Variants in EYA2 observed in about 807,000 individuals in gnomAD.
EYA2 encodes the protein EYA transcriptional coactivator and phosphatase 2.
In EYA2, 31 loss-of-function variants were observed where a neutral mutation model predicts 69.2. That is an observed-to-expected ratio of 0.45 (90% confidence interval 0.34 to 0.60). The LOEUF (loss-of-function observed/expected upper bound fraction) is 0.60. Ranked by LOEUF, EYA2 falls within the 20% of genes least tolerant of loss-of-function variation. The pLI, the probability that EYA2 is intolerant of heterozygous loss-of-function variation, is 0.02. For missense variants in EYA2, 622 were observed against 701.2 expected, an observed-to-expected ratio of 0.89 and a Z score of 1.28; for synonymous variants, 257 against 279.4, an observed-to-expected ratio of 0.92 and a Z score of 0.80.
At chr20:47,022,118 A>C (rs1307306461) in intron 5 of EYA2, among the ~76,000 whole-genome samples, 1 of 152,170 alleles carries the variant, frequency 6.6e-6, no homozygotes, top group African/African-American at 2.4e-5. Flanking sequence ...TGTGCCTTGT[A>C]CTTCTCCAGG....
At chr20:47,171,436 A>C (rs1270376342) in intron 11 of EYA2, among the ~76,000 whole-genome samples, 1 of 152,110 alleles carries the variant, frequency 6.6e-6, no homozygotes, top group Non-Finnish European at 1.5e-5. Context: ...AGCAGTAAGA[A>C]CCAACCTTCA....
chr20:46,905,860 G>A (rs1157902567), intron 1 of EYA2, among the ~76,000 whole-genome samples: 2 of 152,204 alleles, frequency 1.3e-5, no homozygotes, highest in Non-Finnish European at 2.9e-5. Context: ...GGGTACTGTG[G>A]AATTGGACCC....
chr20:47,003,820 GA>G (rs1982525870), intron 3 of EYA2, among the ~76,000 whole-genome samples: 1 of 152,174 alleles, frequency 6.6e-6, no homozygotes. Context: ...ATGGGCTCTG[GA>G]GTCAGACTCC....
chr20:47,129,777 A>G (rs555342069), intron 9 of EYA2, among the ~76,000 whole-genome samples: 14 of 152,312 alleles, frequency 9.2e-5, no homozygotes, highest in Middle Eastern at 6.8e-3. Flanking sequence ...GTGCCTTGGA[A>G]ATAAGATAAA....
intron 5 of EYA2, among the ~76,000 whole-genome samples, chr20:47,031,971 T>A (rs1042556677): frequency 6.6e-6 from 1 of 152,128 alleles, no homozygotes; most frequent in African/African-American, 2.4e-5. Flanking sequence ...AGCAGCCTGC[T>A]CCCAGCCCAG....
chr20:46,912,127 G>A (rs756472314), intron 1 of EYA2, among the ~76,000 whole-genome samples: 5 of 152,152 alleles, frequency 3.3e-5, no homozygotes, highest in Non-Finnish European at 5.9e-5. Context: ...TGGGCTTGTT[G>A]GAGAGTGAGC....
At chr20:47,109,902 C>T (rs2032700795) in intron 9 of EYA2, among the ~76,000 whole-genome samples, 1 of 152,110 alleles carries the variant, frequency 6.6e-6, no homozygotes, top group Admixed American at 6.6e-5. Flanking sequence ...ATGATTGGGC[C>T]CTCCGGGTCC....
intron 9 of EYA2, among the ~76,000 whole-genome samples, chr20:47,115,994 G>T (rs1344891157): frequency 2.0e-5 from 3 of 152,044 alleles, no homozygotes; most frequent in African/African-American, 7.2e-5. Context: ...CCCTCCCTTA[G>T]TCTAACCAGT....
intron 5 of EYA2, among the ~76,000 whole-genome samples, chr20:47,042,763 G>A (rs375793195): frequency 1.3e-5 from 2 of 152,116 alleles, no homozygotes; most frequent in South Asian, 4.1e-4. Context: ...ATCACCTCAT[G>A]GTCACAAGAC....
chr20:47,016,136 A>T, intron 4 of EYA2, 45 bp from the exon 5 acceptor site: 1 of 1,371,940 alleles, frequency 7.3e-7, no homozygotes, highest in Non-Finnish European at 1.0e-6. Context: ...GACGCATCCT[A>T]ATCATGTGTC....
chr20:47,018,298 C>A (rs1983530756), intron 5 of EYA2, among the ~76,000 whole-genome samples: 1 of 142,430 alleles, frequency 7.0e-6, no homozygotes, highest in Non-Finnish European at 1.6e-5. Flanking sequence ...GAGAGGCCCC[C>A]ATTCATTCAT....
intron 4 of EYA2, among the ~76,000 whole-genome samples, chr20:47,010,944 C>T (rs1038769930): frequency 6.6e-6 from 1 of 151,960 alleles, no homozygotes; most frequent in African/African-American, 2.4e-5. Context: ...TGCACCACCA[C>T]ACCCAGCTAA....
At chr20:47,099,001 G>A (rs1275317281) in intron 9 of EYA2, among the ~76,000 whole-genome samples, 1 of 152,226 alleles carries the variant, frequency 6.6e-6, no homozygotes, top group African/African-American at 2.4e-5. Flanking sequence ...AAGAGTGAGT[G>A]CGAGTAATCT....
rs779945744 is a variant in EYA2 at position 47,182,628 on chromosome 20, T to TCAAAAAA, written c.1436-663_1436-662insCAAAAAA. ...TGGGCAACAAGAACGAGACTCCGTC[T>TCAAAAAA]AAAAAAAAAAAAAAAAGGTTAAGAT... On this transcript the variant is annotated intron_variant, in intron 14 of 15. Coordinates refer to ENST00000327619, the MANE Select transcript of EYA2 (RefSeq NM_005244.5). Among the ~76,000 whole-genome samples, 77 of 84,326 alleles carry TCAAAAAA rather than the reference T, an allele frequency of 9.1e-4. 12 individuals are homozygous for TCAAAAAA. Among genetic ancestry groups the TCAAAAAA allele is most frequent in the African/African-American group, 2.0e-3 (31 of 15,298 alleles). 55.3% of individuals were successfully genotyped at this position (84,326 alleles called of 152,430 possible).
intron 9 of EYA2, among the ~76,000 whole-genome samples, chr20:47,126,561 G>A (rs935073893): frequency 1.2e-4 from 18 of 152,186 alleles, no homozygotes; most frequent in African/African-American, 3.9e-4. Context: ...CTCAGCTGGC[G>A]GGGAGAGACT....
intron 5 of EYA2, among the ~76,000 whole-genome samples, chr20:47,047,185 C>T (rs974403001): frequency 1.3e-5 from 2 of 151,984 alleles, no homozygotes; most frequent in Non-Finnish European, 2.9e-5. Flanking sequence ...CCTCTGCATC[C>T]CTCAGTGAGT....
chr20:47,073,317 T>C lies in EYA2; in HGVS notation c.484-841T>C, dbSNP rs865974730. Among the ~76,000 whole-genome samples the C allele has an allele frequency of 1.3e-4, 20 of 152,168 alleles. 1 individual carries two copies. The highest frequency in any genetic ancestry group is 3.9e-4 in the Admixed American group (6 of 15,292). ...TTAAACAAAGCTTGATCAAAGGTGA[T>C]TGGCAGCTATTGAATTGATCTCCAT... On this transcript the variant is annotated intron_variant, in intron 6 of 15. Coordinates refer to ENST00000327619, the MANE Select transcript of EYA2 (RefSeq NM_005244.5).
intron 10 of EYA2, among the ~76,000 whole-genome samples, chr20:47,145,193 T>G (rs2146602604): frequency 6.7e-6 from 1 of 149,918 alleles, no homozygotes; most frequent in East Asian, 2.0e-4. Flanking sequence ...TAATCAGATG[T>G]GAGAACAAGT....
chr20:47,072,813 A>G (rs1170335377), intron 6 of EYA2, among the ~76,000 whole-genome samples: 1 of 152,152 alleles, frequency 6.6e-6, no homozygotes, highest in Non-Finnish European at 1.5e-5. Context: ...TTCCCTGTAC[A>G]CCTAAAATTA....
Sources: gnomAD v4.1 joint callset for allele counts (sites outside exome capture counted in the v4.1 genomes callset) on GRCh38, gnomAD v4.1.1 for gene constraint, MANE v1.5 for transcripts, NCBI Gene and HGNC (gene_info 2026-07-23, HGNC 2026-07-21) for gene names.